Variants in SMYD3 observed in about 807,000 individuals in gnomAD.
SMYD3 encodes the protein histone-lysine N-methyltransferase SMYD3.
Under a neutral mutation model 57.7 loss-of-function variants are expected in SMYD3, and 36 were observed. The observed-to-expected ratio is 0.62, with a 90% CI of 0.48 to 0.82. The LOEUF (loss-of-function observed/expected upper bound fraction) is 0.82, where lower values mean the gene tolerates loss of function less well. SMYD3 is among the 40% of genes least tolerant of loss of function. The probability of loss-of-function intolerance (pLI) is 0.00; values close to 1 mark genes in which losing one functional copy is unlikely to be tolerated. For missense variants in SMYD3, 515 were observed against 538.8 expected, an observed-to-expected ratio of 0.96 and a Z score of 0.44; for synonymous variants, 211 against 195.0, an observed-to-expected ratio of 1.08 and a Z score of -0.68.
intron 5 of SMYD3, among the ~76,000 whole-genome samples, chr1:245,983,517 T>G (rs1157236728): frequency 6.6e-6 from 1 of 152,226 alleles, no homozygotes; most frequent in Non-Finnish European, 1.5e-5. Context: ...TTAAATTGTT[T>G]GACTTTTCTT....
intron 5 of SMYD3, among the ~76,000 whole-genome samples, chr1:246,046,590 G>A (rs980348524): frequency 3.3e-5 from 5 of 150,426 alleles, no homozygotes; most frequent in Non-Finnish European, 4.4e-5. Flanking sequence ...AAACCTGCAC[G>A]TTGTGTGCAG....
intron 10 of SMYD3, among the ~76,000 whole-genome samples, chr1:245,850,415 G>T (rs1476035224): frequency 6.6e-6 from 1 of 152,296 alleles, no homozygotes; most frequent in African/African-American, 2.4e-5. Flanking sequence ...TCCCAGGCTG[G>T]GTTCAGTGGC....
chr1:246,100,419 T>C (rs186309242), intron 5 of SMYD3, among the ~76,000 whole-genome samples: 6 of 152,316 alleles, frequency 3.9e-5, no homozygotes, highest in East Asian at 1.9e-4. Flanking sequence ...CCAAGGCCTG[T>C]GGACGTCTCC....
At chr1:246,056,390 C>T (rs1343276595) in intron 5 of SMYD3, among the ~76,000 whole-genome samples, 2 of 152,114 alleles carry the variant, frequency 1.3e-5, no homozygotes, top group Non-Finnish European at 2.9e-5. Flanking sequence ...ACCTCCATTT[C>T]ATATGTTACT....
intron 5 of SMYD3, among the ~76,000 whole-genome samples, chr1:246,012,660 G>A (rs924992519): frequency 6.6e-6 from 1 of 151,624 alleles, no homozygotes; most frequent in African/African-American, 2.4e-5. Flanking sequence ...CCATACCCAC[G>A]CCCCTCCCCA....
intron 10 of SMYD3, among the ~76,000 whole-genome samples, chr1:245,857,259 G>A (rs565754318): frequency 6.6e-6 from 1 of 152,320 alleles, no homozygotes; most frequent in South Asian, 2.1e-4. Context: ...CGCCTGGCTG[G>A]TGGAGCCTCT....
intron 5 of SMYD3, among the ~76,000 whole-genome samples, chr1:246,185,181 A>AGAAT (rs1189534627): frequency 2.0e-5 from 3 of 152,240 alleles, no homozygotes; most frequent in African/African-American, 7.2e-5. Flanking sequence ...AGCTGCCTGG[A>AGAAT]GAATGCTCAC....
intron 5 of SMYD3, among the ~76,000 whole-genome samples, chr1:245,936,914 T>C (rs1177673128): frequency 6.6e-6 from 1 of 152,202 alleles, no homozygotes; most frequent in African/African-American, 2.4e-5. Flanking sequence ...GGTTAAACCA[T>C]GCGATATCAC....
chr1:246,365,527 T>C (rs1201433333), intron 1 of SMYD3, among the ~76,000 whole-genome samples: 1 of 140,768 alleles, frequency 7.1e-6, no homozygotes. Flanking sequence ...ATTAGGAATA[T>C]AAGAATATTA....
intron 1 of SMYD3, among the ~76,000 whole-genome samples, chr1:246,505,791 ACT>A (rs765636829): frequency 2.3e-4 from 35 of 152,126 alleles, no homozygotes; most frequent in Non-Finnish European, 1.0e-4. Context: ...GTGTCACAAG[ACT>A]CAACTTCAGC....
At chr1:246,505,788 A>T (rs929817247) in intron 1 of SMYD3, among the ~76,000 whole-genome samples, 4 of 152,250 alleles carry the variant, frequency 2.6e-5, no homozygotes, top group Non-Finnish European at 4.4e-5. Context: ...CGTGTGTCAC[A>T]AGACTCAACT....
At chr1:246,366,882 G>T (rs902695590) in intron 1 of SMYD3, among the ~76,000 whole-genome samples, 1 of 129,108 alleles carries the variant, frequency 7.7e-6, no homozygotes, top group African/African-American at 3.0e-5. Context: ...AGTGAGCCAA[G>T]ATCATGTCAT....
chr1:246,011,802 G>A (rs1022507876), intron 5 of SMYD3, among the ~76,000 whole-genome samples: 5 of 152,110 alleles, frequency 3.3e-5, no homozygotes, highest in African/African-American at 9.7e-5. Flanking sequence ...ATCTTGCTAA[G>A]TTTACGCTTG....
intron 5 of SMYD3, among the ~76,000 whole-genome samples, chr1:246,063,156 G>C (rs1436884324): frequency 6.6e-6 from 1 of 152,176 alleles, no homozygotes; most frequent in Non-Finnish European, 1.5e-5. Context: ...ACCAAGCGAA[G>C]TCAGCAAGGG....
In SMYD3 at chr1:245,936,706, G is replaced by T. The variant is rs1242393984; in HGVS notation, c.532-6769C>A. On this transcript the variant is annotated intron_variant, in intron 5 of 11. Coordinates refer to ENST00000490107, the MANE Select transcript of SMYD3 (RefSeq NM_001167740.2). ...GCCCAGAAGTTTGAGACCAGCTTGG[G>T]CAACATGGCAAAACCTCGCCACTAT... Among the ~76,000 whole-genome samples the T allele has an allele frequency of 3.3e-5, 5 of 152,170 alleles. No homozygotes were observed. In the East Asian group the frequency reaches 7.8e-4, roughly 24 times the overall value.
intron 5 of SMYD3, among the ~76,000 whole-genome samples, chr1:246,071,454 A>G (rs896261799): frequency 6.6e-6 from 1 of 152,344 alleles, no homozygotes. Flanking sequence ...CAATTAAAAT[A>G]TTTCAAAATT....
chr1:246,123,091 C>A (rs1355027058), intron 5 of SMYD3, among the ~76,000 whole-genome samples: 1 of 152,178 alleles, frequency 6.6e-6, no homozygotes, highest in African/African-American at 2.4e-5. Flanking sequence ...ACCCTGTTCT[C>A]TCACTGAAAA....
intron 5 of SMYD3, among the ~76,000 whole-genome samples, chr1:245,988,195 G>A (rs1012907613): frequency 2.0e-5 from 3 of 151,862 alleles, no homozygotes; most frequent in Admixed American, 2.0e-4. Context: ...CCCCTGCCCA[G>A]TCCTAACCAA....
intron 5 of SMYD3, among the ~76,000 whole-genome samples, chr1:246,259,371 G>A (rs986589437): frequency 1.3e-5 from 2 of 152,110 alleles, no homozygotes; most frequent in Non-Finnish European, 2.9e-5. Flanking sequence ...CATGTAGGTA[G>A]GATGTTTCTT....
Sources: gnomAD v4.1 joint callset for allele counts (sites outside exome capture counted in the v4.1 genomes callset) on GRCh38, gnomAD v4.1.1 for gene constraint, MANE v1.5 for transcripts, NCBI Gene and HGNC (gene_info 2026-07-23, HGNC 2026-07-21) for gene names.